Variants in EYS observed in about 807,000 individuals in gnomAD.
EYS encodes EGF-like photoreceptor maintenance factor, also known as protein eyes shut homolog.
EYS carries 250 observed loss-of-function variants against 282.1 expected under a neutral mutation model. That is an observed-to-expected ratio of 0.89 (90% CI 0.80 to 0.98). The LOEUF (loss-of-function observed/expected upper bound fraction) is 0.98, where lower values mean the gene tolerates loss of function less well. EYS is among the 50% of genes least tolerant of loss of function. The probability of loss-of-function intolerance (pLI) is 0.00; values close to 1 mark genes in which losing one functional copy is unlikely to be tolerated. For missense variants in EYS, 4,016 were observed against 3,709.0 expected (o/e 1.08, Z -2.15); for synonymous variants, 1,355 against 1,282.9 (o/e 1.06, Z -1.20).
At chr6:64,704,938 C>G (rs1193489704) in intron 22 of EYS, among the ~76,000 whole-genome samples, 2 of 152,052 alleles carry the variant, frequency 1.3e-5, no homozygotes, top group African/African-American at 2.4e-5. Context: ...TGCCCACTCT[C>G]ACCACTTCTA....
intron 22 of EYS, among the ~76,000 whole-genome samples, chr6:64,664,568 C>A (rs1057249494): frequency 7.9e-5 from 12 of 152,180 alleles, no homozygotes; most frequent in Non-Finnish European, 1.8e-4. Flanking sequence ...ACCTCCTCAC[C>A]CGCCCCCAAA....
intron 9 of EYS, among the ~76,000 whole-genome samples, chr6:65,346,072 C>T (rs1010259198): frequency 2.0e-5 from 3 of 151,690 alleles, no homozygotes; most frequent in African/African-American, 7.3e-5. Context: ...GGTTTGTTTT[C>T]AGGAGTTAAA....
At chr6:64,383,130 A>G (rs1300582115) in intron 29 of EYS, among the ~76,000 whole-genome samples, 32 of 152,254 alleles carry the variant, frequency 2.1e-4, no homozygotes, top group Non-Finnish European at 1.5e-5. Flanking sequence ...TCTACAAAAA[A>G]TAAAAATTAA....
chr6:64,763,198 G>T (rs1026705293), intron 22 of EYS, among the ~76,000 whole-genome samples: 11 of 152,126 alleles, frequency 7.2e-5, no homozygotes, highest in African/African-American at 2.7e-4. Flanking sequence ...ATTTTTATGG[G>T]TGTATCAGTC....
chr6:64,108,498 C>T (rs2150264491), intron 31 of EYS, among the ~76,000 whole-genome samples: 1 of 143,076 alleles, frequency 7.0e-6, no homozygotes, highest in East Asian at 2.0e-4. Flanking sequence ...AATCAGAAGT[C>T]CACTACTGCT....
chr6:65,486,169 A>G (rs1765776052), intron 5 of EYS, among the ~76,000 whole-genome samples: 1 of 152,248 alleles, frequency 6.6e-6, no homozygotes, highest in African/African-American at 2.4e-5. Context: ...CAGTCATGAT[A>G]TTCACACAAC....
chr6:65,675,546 G>A (rs1314583746), intron 1 of EYS, among the ~76,000 whole-genome samples: 6 of 151,750 alleles, frequency 4.0e-5, no homozygotes, highest in Admixed American at 3.9e-4. Flanking sequence ...ATTATAAAAG[G>A]GTGAAGTCAC....
intron 2 of EYS, among the ~76,000 whole-genome samples, chr6:65,542,490 T>TGTGG (rs1768205077): frequency 6.6e-6 from 1 of 151,786 alleles, no homozygotes. Flanking sequence ...TGTGTGTGTG[T>TGTGG]GTGTGTGTGT....
chr6:64,297,074 G>A lies in EYS; in HGVS notation c.6191+9896C>T, dbSNP rs74938547. 4.6e-3 allele frequency among the ~76,000 whole-genome samples: 707 copies of A among 152,250 alleles called. 4 individuals are homozygous for A. The highest frequency in any genetic ancestry group is 0.016 in the African/African-American group (658 of 41,538). On this transcript the variant is annotated intron_variant, in intron 30 of 42. Coordinates refer to ENST00000503581, the MANE Select transcript of EYS (RefSeq NM_001142800.2). ...TCTTAGTCATGTGGCAGGCAGTTGT[G>A]TGCATGTTTCTGGTGTAGTCTGCAC...
At chr6:65,371,271 G>A (rs1463798710) in intron 8 of EYS, among the ~76,000 whole-genome samples, 1 of 151,702 alleles carries the variant, frequency 6.6e-6, no homozygotes, top group African/African-American at 2.4e-5. Flanking sequence ...AAGTATATGG[G>A]AGGATGTAGA....
chr6:65,630,929 A>T (rs745889236), intron 2 of EYS, among the ~76,000 whole-genome samples: 1 of 152,240 alleles, frequency 6.6e-6, no homozygotes, highest in African/African-American at 2.4e-5. Flanking sequence ...AGATGTAAGC[A>T]ATTTATATAC....
intron 9 of EYS, among the ~76,000 whole-genome samples, chr6:65,351,560 T>C (rs1484430303): frequency 2.0e-5 from 3 of 151,834 alleles, no homozygotes; most frequent in Non-Finnish European, 4.4e-5. Flanking sequence ...AAAATACTTC[T>C]GCCATTTCAT....
At chr6:64,996,117 T>C (rs1043465260) in intron 14 of EYS, among the ~76,000 whole-genome samples, 3 of 152,056 alleles carry the variant, frequency 2.0e-5, no homozygotes, top group Non-Finnish European at 4.4e-5. Context: ...CTGACTTCAG[T>C]AATATTAAAC....
chr6:65,557,496 C>T (rs1362459138), intron 2 of EYS, among the ~76,000 whole-genome samples: 1 of 152,184 alleles, frequency 6.6e-6, no homozygotes, highest in African/African-American at 2.4e-5. Flanking sequence ...AGGAGGAGAA[C>T]GCAGTGGCAA....
intron 31 of EYS, among the ~76,000 whole-genome samples, chr6:64,119,017 T>C (rs2150272267): frequency 6.6e-6 from 1 of 152,252 alleles, no homozygotes; most frequent in Admixed American, 6.5e-5. Context: ...CCAGTTAGAA[T>C]GACTACTAAC....
chr6:65,062,424 C>T (rs988889932), intron 12 of EYS, among the ~76,000 whole-genome samples: 13 of 151,904 alleles, frequency 8.6e-5, no homozygotes, highest in Non-Finnish European at 1.6e-4. Flanking sequence ...TATCCCCATC[C>T]CCAATGAGAA....
rs116422322 is a variant in EYS at position 65,467,568 on chromosome 6, A to G, written c.862+23026T>C. ...ATACAAAACCCATATGAGAGAAACT[A>G]TCATAATGAAGATTTAAAAATCTGA... On this transcript the variant is annotated intron_variant, in intron 5 of 42. Coordinates refer to ENST00000503581, the MANE Select transcript of EYS (RefSeq NM_001142800.2). 4.2e-4 allele frequency among the ~76,000 whole-genome samples: 64 copies of G among 152,104 alleles called. 1 individual carries two copies. Among genetic ancestry groups the G allele is most frequent in the African/African-American group, 1.2e-3 (49 of 41,520 alleles).
At chr6:65,397,097 T>C (rs1002643605) in intron 7 of EYS, among the ~76,000 whole-genome samples, 2 of 151,984 alleles carry the variant, frequency 1.3e-5, no homozygotes, top group Non-Finnish European at 2.9e-5. Flanking sequence ...CAAGTCTCAG[T>C]CGAAAACCTT....
chr6:63,859,075 GTTTTTTT>G (rs745344580), intron 36 of EYS, among the ~76,000 whole-genome samples: 100 of 47,904 alleles, frequency 2.1e-3, no homozygotes, highest in African/African-American at 4.1e-3. Context: ...GTCCTAGAGA[GTTTTTTT>G]TTTTTTTTTT....
Sources: allele counts gnomAD v4.1 joint callset (sites outside exome capture counted in the v4.1 genomes callset), GRCh38; gene constraint gnomAD v4.1.1; transcripts MANE v1.5; gene names NCBI Gene and HGNC (gene_info 2026-07-23, HGNC 2026-07-21).